The following TERB2 variants were observed in gnomAD, a reference collection of about 807,000 sequenced individuals.
The protein encoded by TERB2 is telomere repeats-binding bouquet formation protein 2.
Under a neutral mutation model 29.8 loss-of-function variants are expected in TERB2, and 26 were observed. The ratio of observed to expected loss-of-function variants is 0.87; its 90% CI spans 0.64 to 1.21. The LOEUF is 1.21. Ranked by LOEUF, TERB2 falls within the 50% of genes most tolerant of loss-of-function variation. The pLI, the probability that TERB2 is intolerant of heterozygous loss-of-function variation, is 0.00. For missense variants in TERB2, 240 were observed against 268.6 expected (o/e 0.89, Z 0.74); for synonymous variants, 80 against 90.8 (o/e 0.88, Z 0.68).
intron 3 of TERB2, 47 bp from the exon 4 acceptor site, chr15:44,961,476 T>TAAA: frequency 9.6e-6 from 11 of 1,150,748 alleles, no homozygotes; most frequent in Admixed American, 5.2e-5. Flanking sequence ...AGAAGATTCT[T>TAAA]AAAAAAAAAA....
At chr15:44,974,562 A>G (rs918271113) in intron 6 of TERB2, among the ~76,000 whole-genome samples, 6 of 152,110 alleles carry the variant, frequency 3.9e-5, no homozygotes, top group Non-Finnish European at 7.4e-5. Flanking sequence ...ACAACTAACC[A>G]CGGCTGACAT....
intron 6 of TERB2, among the ~76,000 whole-genome samples, chr15:44,975,090 A>T (rs1892025416): frequency 6.6e-6 from 1 of 152,252 alleles, no homozygotes; most frequent in Non-Finnish European, 1.5e-5. Flanking sequence ...AACTATTAAA[A>T]AATTAGTCAG....
chr15:44,959,659 C>T (rs528210930), intron 3 of TERB2, among the ~76,000 whole-genome samples: 4 of 152,146 alleles, frequency 2.6e-5, no homozygotes, highest in South Asian at 4.1e-4. Context: ...TGAGCCATTG[C>T]GCCTGGCCTG....
chr15:44,961,997 G>A (rs1319627352), intron 4 of TERB2, among the ~76,000 whole-genome samples: 1 of 152,120 alleles, frequency 6.6e-6, no homozygotes, highest in Non-Finnish European at 1.5e-5. Context: ...ACTGTGCCCA[G>A]CACAGATTAA....
At chr15:44,977,628 C>T (rs945472976) in intron 6 of TERB2, among the ~76,000 whole-genome samples, 3 of 152,054 alleles carry the variant, frequency 2.0e-5, no homozygotes, top group African/African-American at 4.8e-5. Flanking sequence ...ATTTTATGTG[C>T]TTCGATTGAT....
chr15:44,959,343 A>G (rs1404929788), intron 3 of TERB2, among the ~76,000 whole-genome samples: 6 of 151,962 alleles, frequency 3.9e-5, no homozygotes, highest in Admixed American at 3.9e-4. Flanking sequence ...CTTCTACCCA[A>G]ATCCTGCCTA....
At chr15:44,962,330 A>C (rs1206627545) in intron 4 of TERB2, among the ~76,000 whole-genome samples, 1 of 151,156 alleles carries the variant, frequency 6.6e-6, no homozygotes, top group Non-Finnish European at 1.5e-5. Flanking sequence ...CACGGGCGCC[A>C]GCCACCAAGC....
rs367780363 is a variant in TERB2, at chr15:44,966,167, G to A, written c.358G>A (p.Val120Ile). The A allele has an allele frequency of 5.2e-6, 8 of 1,537,832 alleles. No individual in the cohort carries two copies. Among genetic ancestry groups the A allele is most frequent in the Admixed American group, 4.3e-5 (2 of 46,934 alleles). The change falls in exon 5 of 7, where the codon GTA becomes ATA. Residue 120 changes from valine (V) to isoleucine (I), a missense_variant. Val to Ile is a conservative substitution (Grantham distance 29). Transcript: ENST00000340827. Reference protein sequence around the residue: ...QHFLIEKHDEVTPNEIKTLRE... With the variant: ...QHFLIEKHDEITPNEIKTLRE... ...ACTTTTCTATCCACAGCATGATGAA[G>A]TAACACCAAATGAAATAAAGACCCT...
At chr15:44,965,943 G>A (rs1046529769) in intron 4 of TERB2, among the ~76,000 whole-genome samples, 16 of 151,916 alleles carry the variant, frequency 1.1e-4, no homozygotes, top group African/African-American at 3.9e-4. Context: ...TCTTCTTTAT[G>A]TGTCTCCAAA....
chr15:44,961,045 A>G (rs1367647349), intron 3 of TERB2, among the ~76,000 whole-genome samples: 1 of 151,552 alleles, frequency 6.6e-6, no homozygotes, highest in African/African-American at 2.4e-5. Context: ...AGAGATATAT[A>G]TCTATAAATG....
At chr15:44,961,429 A>G in intron 3 of TERB2, 94 bp from the exon 4 acceptor site, 1 of 821,244 alleles carries the variant, frequency 1.2e-6, no homozygotes, top group African/African-American at 1.7e-5. Flanking sequence ...AAATAGAATA[A>G]CACTGGCCTA....
In TERB2 at chr15:44,959,379, A is replaced by G. The variant is rs191726641; in HGVS notation, c.286+867A>G. ...TTTTTTCTGGGCTAACTTTATTATTATTATTTTGAGATGGAGTCTTACTCT... is the reference window on the plus strand; with the variant it reads ...TTTTTTCTGGGCTAACTTTATTATTGTTATTTTGAGATGGAGTCTTACTCT... On this transcript the variant is annotated intron_variant, in intron 3 of 6. Transcript: ENST00000340827. Among the ~76,000 whole-genome samples, 105 of 151,864 alleles carry G rather than the reference A, an allele frequency of 6.9e-4. 1 individual carries two copies. In the South Asian group the frequency reaches 0.014, roughly 20 times the overall value.
At chr15:44,966,429 CT>C (rs1891889751) in intron 5 of TERB2, among the ~76,000 whole-genome samples, 186 bp downstream of exon 5, 1 of 152,014 alleles carries the variant, frequency 6.6e-6, no homozygotes, top group East Asian at 1.9e-4. Flanking sequence ...GTCATACAAA[CT>C]TTATTAAGTA....
intron 3 of TERB2, 68 bp downstream of exon 3, chr15:44,958,580 A>G (rs1891757131): frequency 7.0e-7 from 1 of 1,424,002 alleles, no homozygotes; most frequent in African/African-American, 1.4e-5. Flanking sequence ...TTAAACAGCC[A>G]AATTCAACTG....
chr15:44,961,586 T>A lies in TERB2; in HGVS notation c.348+2T>A. On this transcript the variant is annotated splice_donor_variant, in intron 4 of 6. Transcript: ENST00000340827. LOFTEE classifies it high-confidence loss of function. ...GACCAACATTTTCTGATAGAAAAGG[T>A]AAGAGTAAATTAAGGTACTTGATTA... 6.3e-7 allele frequency: 1 copy of A among 1,579,506 alleles called. No homozygotes were observed. The highest frequency in any genetic ancestry group is 1.2e-5 in the South Asian group (1 of 85,206).
Position 44,971,824 on chromosome 15 carries a change from T to TCCC in TERB2, c.435-2036_435-2034dup, listed in dbSNP as rs34777163. On this transcript the variant is annotated intron_variant, in intron 5 of 6. Transcript: ENST00000340827. ...CTTTCACAACATCTCTTCCTTTTCATCCCCCCCCCTCCTTTTTTCCCTTTA... is the reference window on the plus strand; with the variant it reads ...CTTTCACAACATCTCTTCCTTTTCATCCCCCCCCCCCCTCCTTTTTTCCCTTTA... Among the ~76,000 whole-genome samples, 3 of 147,660 alleles carry TCCC rather than the reference T, an allele frequency of 2.0e-5. No homozygotes were observed. In the South Asian group the frequency reaches 6.5e-4, roughly 32 times the overall value.
intron 6 of TERB2, among the ~76,000 whole-genome samples, chr15:44,977,098 A>AACACACACACACACACAC (rs373706136): frequency 0.12 from 17,241 of 148,276 alleles, 1,191 homozygotes; most frequent in East Asian, 0.29. Flanking sequence ...ACCCTGTCAA[A>AACACACACACACACACAC]ACACACACAC....
intron 5 of TERB2, among the ~76,000 whole-genome samples, chr15:44,968,232 T>C (rs143551857): frequency 1.6e-3 from 238 of 152,082 alleles, no homozygotes; most frequent in African/African-American, 5.2e-3. Flanking sequence ...TTGTTTTTAA[T>C]TGAGACAGAA....
At chr15:44,975,180 T>A (rs955922683) in intron 6 of TERB2, among the ~76,000 whole-genome samples, 4 of 152,254 alleles carry the variant, frequency 2.6e-5, no homozygotes, top group Non-Finnish European at 4.4e-5. Flanking sequence ...AAATTTTTAA[T>A]CTTTTTATTT....
Sources: gnomAD v4.1 joint callset for allele counts (sites outside exome capture counted in the v4.1 genomes callset) on GRCh38, gnomAD v4.1.1 for gene constraint, MANE v1.5 for transcripts, NCBI Gene and HGNC (gene_info 2026-07-23, HGNC 2026-07-21) for gene names.